RNF38: variants seen among roughly 807,000 people sequenced by gnomAD.
RNF38 encodes ring finger protein 38.
In RNF38, 15 loss-of-function variants were observed where a neutral mutation model predicts 67.2. That is an observed-to-expected ratio of 0.22 (90% CI 0.15 to 0.34). The LOEUF (loss-of-function observed/expected upper bound fraction) is 0.34, where lower values mean the gene tolerates loss of function less well. RNF38 is among the 10% of genes least tolerant of loss of function. The pLI is 1.00. For missense variants in RNF38, 524 were observed against 639.9 expected, an observed-to-expected ratio of 0.82 and a Z score of 1.95; for synonymous variants, 220 against 218.8, an observed-to-expected ratio of 1.01 and a Z score of -0.05.
intron 11 of RNF38, among the ~76,000 whole-genome samples, chr9:36,341,436 CAT>C (rs1184508657): frequency 1.3e-5 from 2 of 152,084 alleles, no homozygotes; most frequent in African/African-American, 4.8e-5. Context: ...TAAAAAATAA[CAT>C]AAATTTGACT....
At chr9:36,487,619 C>G (rs961950517), upstream of RNF38, 3 of 973,220 alleles carry the variant, frequency 3.1e-6, no homozygotes, top group Non-Finnish European at 3.7e-6. Flanking sequence ...CAGGCGCTGG[C>G]TGGGCCCCGG....
intron 2 of RNF38, among the ~76,000 whole-genome samples, chr9:36,412,867 G>A (rs1423009445): frequency 6.6e-6 from 1 of 151,958 alleles, no homozygotes; most frequent in East Asian, 1.9e-4. Context: ...GAGGTCGGGA[G>A]TTCAAGACCA....
chr9:36,405,444 T>C (rs546364787), upstream of RNF38, among the ~76,000 whole-genome samples: 8 of 152,274 alleles, frequency 5.3e-5, no homozygotes, highest in African/African-American at 9.6e-5. Flanking sequence ...GTTGATTTGG[T>C]TTGTTTAGAA....
upstream of RNF38, among the ~76,000 whole-genome samples, chr9:36,405,887 T>C (rs1198002229): frequency 6.6e-6 from 1 of 152,228 alleles, no homozygotes; most frequent in Non-Finnish European, 1.5e-5. Flanking sequence ...AAGTGCTAGT[T>C]AATAGTCTGT....
In RNF38 at chr9:36,424,603, C is replaced by T. The variant is rs925490513; in HGVS notation, n.312+10G>A. The T allele has an allele frequency of 2.9e-5, 29 of 984,176 alleles. No individual in the cohort carries two copies. In the Admixed American group the frequency reaches 8.0e-4, roughly 27 times the overall value. 61.0% of individuals were successfully genotyped at this position (984,176 alleles called of 1,614,324 possible). The stretch of plus-strand genomic sequence containing the variant: ...ATTTTCCCCATGGCAGACATCAACA[C>T]GAACCTCACCTTGTCACTGTCATCA... On this transcript the variant is annotated intron_variant and non_coding_transcript_variant, in intron 2 of 3. Transcript: ENST00000488058.
intron 5 of RNF38, 50 bp from the exon 6 acceptor site, chr9:36,356,523 T>A: frequency 6.9e-7 from 1 of 1,447,146 alleles, no homozygotes; most frequent in Non-Finnish European, 9.3e-7. Flanking sequence ...AATATATGAT[T>A]AATTTAAAAG....
At chr9:36,438,008 C>T (rs1348511679) in intron 1 of RNF38, among the ~76,000 whole-genome samples, 2 of 152,314 alleles carry the variant, frequency 1.3e-5, no homozygotes, top group East Asian at 3.9e-4. Flanking sequence ...TGCAGTGGCG[C>T]AATCACAGCT....
Position 36,349,645 on chromosome 9 carries a change from T to A in RNF38, c.1263+1470A>T, listed in dbSNP as rs367861294. On this transcript the variant is annotated intron_variant, in intron 9 of 11. Transcript: ENST00000259605. Reference sequence around the variant, plus strand: ...AGTTCAATGTAGTCCTAGTTATTTATTTTAGCTTTTGTTGCCTATGCTTGT... The same window carrying A: ...AGTTCAATGTAGTCCTAGTTATTTAATTTAGCTTTTGTTGCCTATGCTTGT... Among the ~76,000 whole-genome samples the A allele has an allele frequency of 4.6e-5, 7 of 152,322 alleles. 1 individual carries two copies. In the South Asian group the frequency reaches 6.2e-4, roughly 14 times the overall value.
chr9:36,431,863 C>T (rs894005257), intron 1 of RNF38, among the ~76,000 whole-genome samples: 8 of 152,038 alleles, frequency 5.3e-5, no homozygotes, highest in Admixed American at 1.3e-4. Context: ...CATCTAGAAG[C>T]TATCAAGGGG....
intron 10 of RNF38, among the ~76,000 whole-genome samples, 185 bp downstream of exon 10, chr9:36,344,647 G>A (rs906683867): frequency 1.3e-5 from 2 of 152,142 alleles, no homozygotes; most frequent in East Asian, 3.9e-4. Flanking sequence ...TGACTTACTG[G>A]ACAAGCACTG....
chr9:36,468,100 C>T (rs1186652211), intron 1 of RNF38, among the ~76,000 whole-genome samples: 1 of 152,110 alleles, frequency 6.6e-6, no homozygotes, highest in Non-Finnish European at 1.5e-5. Context: ...TAGAAACTAG[C>T]CAGTTGTGGT....
At chr9:36,413,595 T>C (rs1401591847) in intron 2 of RNF38, among the ~76,000 whole-genome samples, 1 of 152,146 alleles carries the variant, frequency 6.6e-6, no homozygotes, top group African/African-American at 2.4e-5. Context: ...ATGAGAAGCA[T>C]GGGATATGTT....
At chr9:36,437,562 A>T (rs969106399) in intron 1 of RNF38, among the ~76,000 whole-genome samples, 16 of 151,964 alleles carry the variant, frequency 1.1e-4, no homozygotes, top group South Asian at 4.1e-4. Context: ...GTTGAAAAAA[A>T]AAAAAAAAAA....
At chr9:36,442,017 T>C (rs1229418313) in intron 1 of RNF38, among the ~76,000 whole-genome samples, 5 of 152,224 alleles carry the variant, frequency 3.3e-5, no homozygotes, top group Non-Finnish European at 7.3e-5. Flanking sequence ...TACATCAGTT[T>C]AACCTTGTCA....
intron 4 of RNF38, among the ~76,000 whole-genome samples, chr9:36,366,242 GCAT>G (rs1834949077): frequency 6.6e-6 from 1 of 151,922 alleles, no homozygotes; most frequent in Non-Finnish European, 1.5e-5. Flanking sequence ...AGCCACAACA[GCAT>G]TATTATATTT....
intron 4 of RNF38, 68 bp downstream of exon 4, chr9:36,369,649 CAA>C (rs34904529): frequency 0.089 from 94,019 of 1,059,340 alleles, 2,262 homozygotes; most frequent in African/African-American, 0.11. Context: ...AACAAAAAGC[CAA>C]AAAAAAAAAA....
At chr9:36,362,174 C>T (rs1834592741) in intron 4 of RNF38, among the ~76,000 whole-genome samples, 1 of 151,966 alleles carries the variant, frequency 6.6e-6, no homozygotes, top group Non-Finnish European at 1.5e-5. Flanking sequence ...CTGGTCAACA[C>T]AGTGAAACCC....
chr9:36,458,452 T>C (rs2134363884), intron 1 of RNF38, among the ~76,000 whole-genome samples: 1 of 152,342 alleles, frequency 6.6e-6, no homozygotes, highest in East Asian at 1.9e-4. Context: ...TGCTGCTCAC[T>C]CTTTGGGTCT....
At chr9:36,486,597 G>A (rs1840416936) in intron 1 of RNF38, among the ~76,000 whole-genome samples, 1 of 152,132 alleles carries the variant, frequency 6.6e-6, no homozygotes, top group African/African-American at 2.4e-5. Flanking sequence ...CAGCTGAATT[G>A]GTTTAGTCAG....
Sources: allele counts gnomAD v4.1 joint callset (sites outside exome capture counted in the v4.1 genomes callset), GRCh38; gene constraint gnomAD v4.1.1; transcripts MANE v1.5; gene names NCBI Gene and HGNC (gene_info 2026-07-23, HGNC 2026-07-21).